The following CADPS variants were observed in gnomAD, a reference collection of about 807,000 sequenced individuals.
CADPS encodes the protein calcium-dependent secretion activator 1.
In CADPS, 57 loss-of-function variants were observed where a neutral mutation model predicts 167.3. The ratio of observed to expected loss-of-function variants is 0.34; its 90% CI spans 0.28 to 0.42. CADPS has a LOEUF of 0.42. Among genes scored for constraint, CADPS ranks in the 20% least tolerant of loss-of-function variants. CADPS has a pLI of 1.00. For synonymous variants in CADPS, 676 were observed against 635.3 expected (o/e 1.06, Z -0.96); for missense variants, 1,414 against 1,738.1 (o/e 0.81, Z 3.32).
intron 1 of CADPS, among the ~76,000 whole-genome samples, chr3:62,857,248 C>G (rs1032557168): frequency 6.6e-6 from 1 of 151,906 alleles, no homozygotes; most frequent in Non-Finnish European, 1.5e-5. Flanking sequence ...AATAACGCAT[C>G]GAGTTGGCAA....
chr3:62,507,331 G>A (rs1349900767), intron 17 of CADPS, among the ~76,000 whole-genome samples: 1 of 151,886 alleles, frequency 6.6e-6, no homozygotes, highest in African/African-American at 2.4e-5. Context: ...AAATTCCCTT[G>A]TGCTGCACTC....
chr3:62,826,003 T>C (rs918701975), intron 1 of CADPS, among the ~76,000 whole-genome samples: 1 of 152,186 alleles, frequency 6.6e-6, no homozygotes, highest in African/African-American at 2.4e-5. Context: ...CCAGTCTTTC[T>C]ATGCACAGGC....
intron 3 of CADPS, among the ~76,000 whole-genome samples, chr3:62,716,331 C>T (rs751075661): frequency 1.1e-4 from 17 of 152,098 alleles, no homozygotes; most frequent in African/African-American, 2.4e-4. Context: ...TGAGATTACA[C>T]GTGTGAGCCA....
intron 3 of CADPS, among the ~76,000 whole-genome samples, chr3:62,695,678 GT>G (rs1197706965): frequency 6.6e-6 from 1 of 151,906 alleles, no homozygotes; most frequent in African/African-American, 2.4e-5. Context: ...TTTTTGTTTT[GT>G]TTTGTTTTTG....
intron 1 of CADPS, among the ~76,000 whole-genome samples, chr3:62,790,818 A>G (rs1394016576): frequency 6.6e-6 from 1 of 152,218 alleles, no homozygotes; most frequent in Non-Finnish European, 1.5e-5. Flanking sequence ...GAAAAGTCAC[A>G]TTGTGATTCA....
At chr3:62,807,393 C>G (rs924918168) in intron 1 of CADPS, among the ~76,000 whole-genome samples, 4 of 151,868 alleles carry the variant, frequency 2.6e-5, no homozygotes, top group African/African-American at 7.3e-5. Flanking sequence ...TCCCAAGTAG[C>G]TGGGATTACA....
intron 28 of CADPS, among the ~76,000 whole-genome samples, chr3:62,418,032 T>C (rs905675286): frequency 2.0e-5 from 3 of 152,028 alleles, no homozygotes; most frequent in African/African-American, 7.2e-5. Flanking sequence ...AGAAAATATT[T>C]AGTGAGCACT....
chr3:62,866,723 A>T (rs564657791), intron 1 of CADPS, among the ~76,000 whole-genome samples: 1 of 152,216 alleles, frequency 6.6e-6, no homozygotes, highest in African/African-American at 2.4e-5. Flanking sequence ...GAGTTTGGTG[A>T]ACTAAAATGC....
intron 1 of CADPS, among the ~76,000 whole-genome samples, chr3:62,794,686 T>C (rs927501410): frequency 8.6e-5 from 13 of 151,290 alleles, no homozygotes; most frequent in African/African-American, 2.9e-4. Flanking sequence ...CATTCCATCA[T>C]CTTTTTTCCC....
rs550315019 is a variant in CADPS, at chr3:62,616,248, A to ATTTGAC, written c.1326-23506_1326-23501dup. On this transcript the variant is annotated intron_variant, in intron 6 of 29. Coordinates refer to ENST00000383710, the MANE Select transcript of CADPS (RefSeq NM_003716.4). ...TTATGAATTATTTGCATCATTAAAA[A>ATTTGAC]TTTGACATGTGTCCAACATGAAAAT... Among the ~76,000 whole-genome samples the ATTTGAC allele has an allele frequency of 1.4e-4, 22 of 152,344 alleles. No individual in the cohort carries two copies. The South Asian group carries it at 3.9e-3, about 27-fold the overall frequency.
chr3:62,814,794 T>C (rs2094539480), intron 1 of CADPS, among the ~76,000 whole-genome samples: 1 of 152,198 alleles, frequency 6.6e-6, no homozygotes, highest in African/African-American at 2.4e-5. Context: ...ATTACCTCCA[T>C]GAAACTTAAT....
At chr3:62,552,627 T>G (rs949954071) in intron 10 of CADPS, among the ~76,000 whole-genome samples, 2 of 152,196 alleles carry the variant, frequency 1.3e-5, no homozygotes, top group Non-Finnish European at 2.9e-5. Flanking sequence ...CTGTTTGACA[T>G]TTGTCATTGG....
chr3:62,704,473 T>C (rs1041933567), intron 3 of CADPS, among the ~76,000 whole-genome samples: 1 of 152,126 alleles, frequency 6.6e-6, no homozygotes, highest in African/African-American at 2.4e-5. Flanking sequence ...TGGTATCCAA[T>C]GGGGCTCTAT....
intron 10 of CADPS, 67 bp downstream of exon 10, chr3:62,557,338 T>C (rs755071060): frequency 1.9e-5 from 20 of 1,048,888 alleles, no homozygotes; most frequent in Non-Finnish European, 2.6e-5. Context: ...CCAGCAATTA[T>C]TAGTTGACCA....
intron 6 of CADPS, among the ~76,000 whole-genome samples, chr3:62,643,344 C>T (rs977692003): frequency 2.0e-5 from 3 of 152,220 alleles, no homozygotes; most frequent in Admixed American, 1.3e-4. Context: ...ACTGATTTCA[C>T]TTGACCCTGG....
At chr3:62,501,213 CCTGGT>C (rs1034294376) in intron 17 of CADPS, among the ~76,000 whole-genome samples, 27 of 152,158 alleles carry the variant, frequency 1.8e-4, no homozygotes, top group African/African-American at 6.5e-4. Flanking sequence ...GAGCCCATTG[CCTGGT>C]CTAGAGCAAC....
At chr3:62,535,881 A>T (rs537452870) in intron 12 of CADPS, 3 of 152,192 alleles carry the variant, frequency 2.0e-5, no homozygotes, top group African/African-American at 7.2e-5. Context: ...ATTTCCAAAT[A>T]ACTAAAGCAC....
chr3:62,828,644 T>G (rs2074498690), intron 1 of CADPS, among the ~76,000 whole-genome samples: 1 of 152,274 alleles, frequency 6.6e-6, no homozygotes, highest in African/African-American at 2.4e-5. Flanking sequence ...AGGGCCAAAT[T>G]TGATGTTATC....
intron 5 of CADPS, 82 bp from the exon 6 acceptor site, chr3:62,645,925 G>T: frequency 6.5e-7 from 1 of 1,533,278 alleles, no homozygotes; most frequent in Non-Finnish European, 8.9e-7. Context: ...CAAATGAGAA[G>T]CTACAGAGAA....
Sources: allele counts gnomAD v4.1 joint callset (sites outside exome capture counted in the v4.1 genomes callset), GRCh38; gene constraint gnomAD v4.1.1; transcripts MANE v1.5; gene names NCBI Gene and HGNC (gene_info 2026-07-23, HGNC 2026-07-21).